The following ACOXL variants were observed in gnomAD, a reference collection of about 807,000 sequenced individuals.
ACOXL encodes the protein acyl-coenzyme A oxidase-like protein.
Under a neutral mutation model 71.9 loss-of-function variants are expected in ACOXL, and 70 were observed. The ratio of observed to expected loss-of-function variants is 0.97; its 90% confidence interval spans 0.80 to 1.19. The LOEUF is 1.19. Ranked by LOEUF, ACOXL falls within the 50% of genes most tolerant of loss-of-function variation. The probability of loss-of-function intolerance (pLI) is 0.00; values close to 1 mark genes in which losing one functional copy is unlikely to be tolerated. For synonymous variants in ACOXL, 253 were observed against 281.6 expected, an observed-to-expected ratio of 0.90 and a Z score of 1.02; for missense variants, 703 against 736.3, an observed-to-expected ratio of 0.95 and a Z score of 0.52.
At chr2:110,929,077 C>A (rs1055386525) in intron 11 of ACOXL, among the ~76,000 whole-genome samples, 1 of 152,122 alleles carries the variant, frequency 6.6e-6, no homozygotes, top group African/African-American at 2.4e-5. Context: ...CTGTTGTAAA[C>A]ATATCCAGTG....
chr2:110,903,308 G>A (rs58382444), intron 10 of ACOXL, among the ~76,000 whole-genome samples: 3 of 152,362 alleles, frequency 2.0e-5, no homozygotes, highest in African/African-American at 7.2e-5. Context: ...CACATCCGAC[G>A]AATATTGCCT....
chr2:111,082,953 A>G (rs559787517), intron 16 of ACOXL, among the ~76,000 whole-genome samples: 4 of 151,920 alleles, frequency 2.6e-5, no homozygotes, highest in Non-Finnish European at 4.4e-5. Context: ...CAAACATCAC[A>G]TGTTCTCACT....
At chr2:110,773,559 A>G (rs2105049608) in intron 2 of ACOXL, among the ~76,000 whole-genome samples, 2 of 152,000 alleles carry the variant, frequency 1.3e-5, no homozygotes, top group Middle Eastern at 6.8e-3. Flanking sequence ...GTACTCCCCC[A>G]CCCATCCCAG....
chr2:111,037,289 C>T lies in ACOXL; in HGVS notation c.1369+5575C>T, dbSNP rs374392166. ...CACCCCTGAACTTGGGAGCTTGTCC[C>T]TGAAGAAAGCTGTCTTTAGAGACTT... On this transcript the variant is annotated intron_variant, in intron 15 of 17. Transcript: ENST00000439055. Among the ~76,000 whole-genome samples the T allele has an allele frequency of 9.8e-5, 15 of 152,308 alleles. No individual in the cohort carries two copies. In the East Asian group the frequency reaches 2.5e-3, roughly 25 times the overall value.
At chr2:111,075,106 A>C (rs918931415) in intron 16 of ACOXL, among the ~76,000 whole-genome samples, 1 of 152,174 alleles carries the variant, frequency 6.6e-6, no homozygotes, top group African/African-American at 2.4e-5. Context: ...GCCTCATAAA[A>C]TGAGTTGGGA....
intron 11 of ACOXL, among the ~76,000 whole-genome samples, chr2:110,914,830 G>C (rs927991794): frequency 6.6e-6 from 1 of 152,050 alleles, no homozygotes; most frequent in African/African-American, 2.4e-5. Flanking sequence ...TTTCTTGTTT[G>C]TTTTAATTTT....
At position 110,875,467 on chromosome 2, in the gene ACOXL, C is replaced by T. The variant is rs145049324; in HGVS notation, c.789-33322C>T. Among the ~76,000 whole-genome samples the T allele has an allele frequency of 3.6e-3, 542 of 152,258 alleles. 9 individuals are homozygous for T. The highest frequency in any genetic ancestry group is 0.012 in the African/African-American group (513 of 41,538). On this transcript the variant is annotated intron_variant, in intron 10 of 17. Coordinates refer to ENST00000439055, the MANE Select transcript of ACOXL (RefSeq NM_001142807.4). ...CTTGTAGATATGGGGAGGTGTGGAG[C>T]GTGGAGCCCCAGAAGTCACCGACCC...
intron 1 of ACOXL, among the ~76,000 whole-genome samples, chr2:110,755,502 A>G (rs1165969620): frequency 6.6e-6 from 1 of 152,150 alleles, no homozygotes; most frequent in Non-Finnish European, 1.5e-5. Flanking sequence ...TGCTTAGGGG[A>G]TTGGAGCATA....
At chr2:110,831,516 G>A (rs1482651072) in intron 9 of ACOXL, among the ~76,000 whole-genome samples, 1 of 152,200 alleles carries the variant, frequency 6.6e-6, no homozygotes, top group Non-Finnish European at 1.5e-5. Context: ...TGATAAAGTT[G>A]TCAATTCTCC....
chr2:110,828,232 C>T (rs1009246605), intron 9 of ACOXL, among the ~76,000 whole-genome samples: 1 of 152,210 alleles, frequency 6.6e-6, no homozygotes, highest in African/African-American at 2.4e-5. Flanking sequence ...TCGGCTTCTC[C>T]ATGTGCTGGG....
chr2:110,960,447 G>C (rs759557383), intron 12 of ACOXL, among the ~76,000 whole-genome samples: 1 of 152,060 alleles, frequency 6.6e-6, no homozygotes, highest in Non-Finnish European at 1.5e-5. Context: ...ATGTGCAGTC[G>C]TGGCCCTCCT....
intron 13 of ACOXL, among the ~76,000 whole-genome samples, chr2:110,995,584 A>G (rs934124436): frequency 6.6e-6 from 1 of 151,758 alleles, no homozygotes; most frequent in African/African-American, 2.4e-5. Context: ...CAGAAATTAC[A>G]TTGCTGTTAA....
At chr2:111,062,999 G>A (rs1433958432) in intron 16 of ACOXL, among the ~76,000 whole-genome samples, 2 of 152,076 alleles carry the variant, frequency 1.3e-5, no homozygotes, top group Non-Finnish European at 2.9e-5. Flanking sequence ...ATGGTAGTAA[G>A]ATAATACTAA....
chr2:110,746,447 G>T (rs1362287823), intron 1 of ACOXL, among the ~76,000 whole-genome samples: 1 of 151,966 alleles, frequency 6.6e-6, no homozygotes, highest in African/African-American at 2.4e-5. Context: ...GCCCTTGAGG[G>T]AATCGCCATG....
chr2:110,967,540 A>AATT (rs2061985535), intron 12 of ACOXL, among the ~76,000 whole-genome samples: 1 of 152,256 alleles, frequency 6.6e-6, no homozygotes, highest in Non-Finnish European at 1.5e-5. Context: ...ACTTCACTCA[A>AATT]AGTGGTAAAA....
intron 5 of ACOXL, 139 bp downstream of exon 5, chr2:110,794,313 T>G: frequency 1.3e-6 from 1 of 768,404 alleles, no homozygotes; most frequent in Admixed American, 2.7e-5. Context: ...ATCAAATGCC[T>G]AAGTGTTTTA....
chr2:111,072,144 A>G (rs1302182688), intron 16 of ACOXL, among the ~76,000 whole-genome samples: 1 of 152,248 alleles, frequency 6.6e-6, no homozygotes, highest in Non-Finnish European at 1.5e-5. Flanking sequence ...GAGGGAGCCC[A>G]GAAATAAGAA....
intron 1 of ACOXL, among the ~76,000 whole-genome samples, chr2:110,734,716 G>T (rs1308795385): frequency 6.6e-6 from 1 of 151,926 alleles, no homozygotes; most frequent in Non-Finnish European, 1.5e-5. Flanking sequence ...TTAGATAACT[G>T]CAGTTTAAAA....
intron 12 of ACOXL, among the ~76,000 whole-genome samples, chr2:110,981,471 G>A (rs1353341919): frequency 6.6e-6 from 1 of 152,156 alleles, no homozygotes; most frequent in Admixed American, 6.6e-5. Flanking sequence ...TGGGGTGAGC[G>A]ATTCCATGAA....
Sources: gnomAD v4.1 joint callset for allele counts (sites outside exome capture counted in the v4.1 genomes callset) on GRCh38, gnomAD v4.1.1 for gene constraint, MANE v1.5 for transcripts, NCBI Gene and HGNC (gene_info 2026-07-23, HGNC 2026-07-21) for gene names.